TMEM181: variants seen among roughly 807,000 people sequenced by gnomAD.
TMEM181 encodes the protein G protein-coupled receptor 178.
TMEM181 carries 39 observed loss-of-function variants against 71.9 expected under a neutral mutation model. The observed-to-expected ratio is 0.54, with a 90% CI of 0.42 to 0.71. The LOEUF (loss-of-function observed/expected upper bound fraction) is 0.71, where lower values mean the gene tolerates loss of function less well. Ranked by LOEUF, TMEM181 falls within the 30% of genes least tolerant of loss-of-function variation. The pLI, the probability that TMEM181 is intolerant of heterozygous loss-of-function variation, is 0.00. For missense variants in TMEM181, 595 were observed against 583.0 expected (o/e 1.02, Z -0.21); for synonymous variants, 245 against 228.8 (o/e 1.07, Z -0.64).
In TMEM181 at chr6:158,635,102, C is replaced by G. The variant is rs1371829067; in HGVS notation, c.*3214C>G. 6.6e-6 allele frequency: 1 copy of G among 151,754 alleles called. No homozygotes were observed. The highest frequency in any genetic ancestry group is 1.5e-5 in the Non-Finnish European group (1 of 67,996). The allele number at this position is 151,754 out of a possible 1,614,324, so 9.4% of individuals were successfully genotyped here. ...TATTAGTCTGTGACATCTTGTGATG[C>G]TGTTTATCTTGGTTTGACATTGGAG... On this transcript the variant is annotated 3_prime_UTR_variant, in exon 17 of 17. Coordinates refer to ENST00000684151, the MANE Select transcript of TMEM181 (RefSeq NM_001376852.1).
In TMEM181 at chr6:158,590,387, C is replaced by A. The variant is rs1411266799; in HGVS notation, c.492+605C>A. On this transcript the variant is annotated intron_variant, in intron 6 of 16. Transcript: ENST00000684151. ...CTAATGGATACCTTCAAAAAAAAAA[C>A]AGCTTTATCAAAGTAGAAAGTTTGC... is the stretch of plus-strand genomic sequence containing the variant. Among the ~76,000 whole-genome samples the A allele has an allele frequency of 2.1e-5, 3 of 145,884 alleles. No homozygotes were observed. In the South Asian group the frequency reaches 6.5e-4, roughly 32 times the overall value.
At chr6:158,539,277 T>C (rs1012247478) in intron 1 of TMEM181, among the ~76,000 whole-genome samples, 1 of 152,244 alleles carries the variant, frequency 6.6e-6, no homozygotes, top group African/African-American at 2.4e-5. Context: ...GTCTGTTTTA[T>C]AGTGAGAAGA....
chr6:158,635,292 G>A lies in TMEM181; in HGVS notation c.*3404G>A, dbSNP rs560762565. 3 of 152,300 alleles carry A rather than the reference G, an allele frequency of 2.0e-5. No individual in the cohort carries two copies. The highest frequency in any genetic ancestry group is 2.0e-4 in the Admixed American group (3 of 15,302). The allele number at this position is 152,300 out of a possible 1,614,324, so 9.4% of individuals were successfully genotyped here. A position where few individuals can be genotyped will look rare whatever the true frequency, so the allele number is the denominator to read the frequency against. On this transcript the variant is annotated 3_prime_UTR_variant, in exon 17 of 17. Transcript: ENST00000684151. ...TGTGTTCAGTTGTGGACCTGTCCGT[G>A]GGGCACAGTGCCACCCCATCACAGT...
chr6:158,544,608 C>T (rs1458480014), intron 1 of TMEM181, among the ~76,000 whole-genome samples: 2 of 152,170 alleles, frequency 1.3e-5, no homozygotes, highest in Non-Finnish European at 2.9e-5. Flanking sequence ...CTTCCATGAG[C>T]CTCGGGGCAA....
At chr6:158,561,584 G>T (rs1444834301) in intron 1 of TMEM181, among the ~76,000 whole-genome samples, 2 of 152,208 alleles carry the variant, frequency 1.3e-5, no homozygotes, top group African/African-American at 4.8e-5. Context: ...GGCCGGGGAC[G>T]TGAGGTGGTG....
At chr6:158,590,331 C>T (rs1328584323) in intron 6 of TMEM181, among the ~76,000 whole-genome samples, 6 of 151,526 alleles carry the variant, frequency 4.0e-5, no homozygotes, top group African/African-American at 1.5e-4. Context: ...AAATAGCTGC[C>T]TCATAGAGCT....
chr6:158,609,725 C>CT (rs1167166990), intron 10 of TMEM181: 1 of 263,324 alleles, frequency 3.8e-6, no homozygotes, highest in African/African-American at 2.3e-5. Context: ...GTAGAGGCAA[C>CT]TGGTGTTCTC....
chr6:158,562,709 A>G (rs906776028), intron 1 of TMEM181, among the ~76,000 whole-genome samples: 50 of 152,094 alleles, frequency 3.3e-4, no homozygotes, highest in African/African-American at 1.1e-3. Context: ...TATTCCTGCA[A>G]TCATTTAATT....
upstream of TMEM181, among the ~76,000 whole-genome samples, chr6:158,558,606 TG>T (rs528352303): frequency 8.5e-5 from 13 of 152,238 alleles, no homozygotes; most frequent in Non-Finnish European, 1.6e-4. Flanking sequence ...AGAAGCTCAC[TG>T]GCTGTGATTG....
intron 6 of TMEM181, among the ~76,000 whole-genome samples, 153 bp from the exon 7 acceptor site, chr6:158,605,114 C>CAA (rs71812545): frequency 4.8e-5 from 2 of 41,892 alleles, no homozygotes; most frequent in South Asian, 1.5e-3. Flanking sequence ...ACTCCATATC[C>CAA]AAAAAAAAAA....
At chr6:158,609,202 C>T (rs951265190) in intron 10 of TMEM181, among the ~76,000 whole-genome samples, 5 of 152,128 alleles carry the variant, frequency 3.3e-5, no homozygotes, top group Non-Finnish European at 5.9e-5. Flanking sequence ...ACACAGTAGA[C>T]ACCCCTTATT....
chr6:158,622,361 G>A (rs1786014539), intron 10 of TMEM181, among the ~76,000 whole-genome samples: 1 of 152,170 alleles, frequency 6.6e-6, no homozygotes, highest in Non-Finnish European at 1.5e-5. Flanking sequence ...AATGGTGTAG[G>A]CATTGTGACA....
chr6:158,621,063 T>C (rs1019193079), intron 10 of TMEM181, among the ~76,000 whole-genome samples: 2 of 152,176 alleles, frequency 1.3e-5, no homozygotes, highest in African/African-American at 4.8e-5. Context: ...CTGTTCCCCA[T>C]ACATCTTCCT....
At chr6:158,551,645 T>G (rs1781727202) in intron 1 of TMEM181, among the ~76,000 whole-genome samples, 1 of 152,166 alleles carries the variant, frequency 6.6e-6, no homozygotes, top group African/African-American at 2.4e-5. Context: ...CCATTCGACT[T>G]TTACAAATTT....
chr6:158,570,558 A>G (rs758130190), intron 1 of TMEM181, among the ~76,000 whole-genome samples: 29 of 151,950 alleles, frequency 1.9e-4, no homozygotes, highest in Non-Finnish European at 3.1e-4. Flanking sequence ...CTCTTCTTCA[A>G]TTCACAGGTG....
At chr6:158,538,061 C>T (rs1182725967) in intron 1 of TMEM181, among the ~76,000 whole-genome samples, 1 of 151,954 alleles carries the variant, frequency 6.6e-6, no homozygotes, top group Admixed American at 6.5e-5. Flanking sequence ...GAAAAGAATC[C>T]ACAGTTTCAT....
At chr6:158,564,146 C>G (rs547315580) in intron 1 of TMEM181, among the ~76,000 whole-genome samples, 12 of 152,266 alleles carry the variant, frequency 7.9e-5, no homozygotes, top group Non-Finnish European at 1.5e-4. Flanking sequence ...TTTTAGAGTT[C>G]CTATCCTGCT....
At chr6:158,624,960 G>T (rs377631123) in intron 11 of TMEM181, 144 bp from the exon 12 acceptor site, 3 of 702,144 alleles carry the variant, frequency 4.3e-6, no homozygotes, top group Non-Finnish European at 7.8e-6. Flanking sequence ...TCCCGGCTGG[G>T]AGCCCATTGT....
chr6:158,542,750 G>A (rs773717219), intron 1 of TMEM181, among the ~76,000 whole-genome samples: 3 of 151,798 alleles, frequency 2.0e-5, no homozygotes, highest in Non-Finnish European at 4.4e-5. Context: ...GACTACATGC[G>A]TGGACCACCA....
Sources: gnomAD v4.1 joint callset for allele counts (sites outside exome capture counted in the v4.1 genomes callset) on GRCh38, gnomAD v4.1.1 for gene constraint, MANE v1.5 for transcripts, NCBI Gene and HGNC (gene_info 2026-07-23, HGNC 2026-07-21) for gene names.